The following SCRN1 variants were observed in gnomAD, a reference collection of about 807,000 sequenced individuals.
SCRN1 encodes secernin 1.
A neutral mutation model predicts 43.3 loss-of-function variants in SCRN1; 19 were observed. That is an observed-to-expected ratio of 0.44 (90% confidence interval 0.31 to 0.64). The LOEUF (loss-of-function observed/expected upper bound fraction) is 0.64, where lower values mean the gene tolerates loss of function less well. Among genes scored for constraint, SCRN1 ranks in the 30% least tolerant of loss-of-function variants. The pLI, the probability that SCRN1 is intolerant of heterozygous loss-of-function variation, is 0.09. For missense variants in SCRN1, 447 were observed against 524.1 expected (o/e 0.85, Z 1.44); for synonymous variants, 183 against 188.9 (o/e 0.97, Z 0.26).
At chr7:29,977,154 C>A (rs11772269) in intron 1 of SCRN1, among the ~76,000 whole-genome samples, 21,992 of 152,144 alleles carry the variant, frequency 0.14, 1,623 homozygotes, top group Middle Eastern at 0.17. Flanking sequence ...TATAAGCTAT[C>A]GGTTTATTAA....
intron 1 of SCRN1, among the ~76,000 whole-genome samples, chr7:29,981,332 AC>A (rs1788987157): frequency 6.6e-6 from 1 of 152,174 alleles, no homozygotes; most frequent in African/African-American, 2.4e-5. Flanking sequence ...ACCTACAAGC[AC>A]TATGTTCAAC....
intron 3 of SCRN1, among the ~76,000 whole-genome samples, chr7:29,952,023 C>A (rs1417740757): frequency 1.3e-5 from 2 of 152,210 alleles, no homozygotes; most frequent in Non-Finnish European, 2.9e-5. Flanking sequence ...GAGGAACTGG[C>A]ACTAGACACA....
intron 1 of SCRN1, among the ~76,000 whole-genome samples, chr7:29,980,784 TTTA>T (rs1235855287): frequency 1.3e-5 from 2 of 152,230 alleles, no homozygotes; most frequent in Non-Finnish European, 2.9e-5. Flanking sequence ...TTTAAAACAT[TTTA>T]TTATCAAAAA....
intron 1 of SCRN1, among the ~76,000 whole-genome samples, chr7:29,973,076 T>C (rs1020550638): frequency 7.9e-5 from 12 of 152,222 alleles, no homozygotes; most frequent in Non-Finnish European, 1.6e-4. Context: ...CAAAATGTGC[T>C]ATCATCCATA....
At chr7:29,961,216 G>A (rs1363354750) in intron 2 of SCRN1, among the ~76,000 whole-genome samples, 2 of 143,418 alleles carry the variant, frequency 1.4e-5, no homozygotes, top group Non-Finnish European at 3.0e-5. Context: ...GGACCCTGCG[G>A]CCTTCCGCGG....
intron 6 of SCRN1, 107 bp from the exon 7 acceptor site, chr7:29,926,739 G>T (rs768814562): frequency 3.0e-5 from 25 of 838,134 alleles, no homozygotes; most frequent in Non-Finnish European, 3.7e-5. Flanking sequence ...CTTATGGTGG[G>T]TGGTGGGTGT....
Position 29,924,084 on chromosome 7 carries a change from A to G in SCRN1, c.1118T>C (p.Leu373Pro). 1 of 1,613,924 alleles carries G rather than the reference A, an allele frequency of 6.2e-7. No individual in the cohort carries two copies. The highest frequency in any genetic ancestry group is 1.7e-5 in the Admixed American group (1 of 59,980). ...TTCCAGGCCTTGCTTCTCCAGCTCCAGCATGGTGCTCCTCAGCTTGCGACC... is the reference window on the plus strand; with the variant it reads ...TTCCAGGCCTTGCTTCTCCAGCTCCGGCATGGTGCTCCTCAGCTTGCGACC... ...EQGRKLRSTM[L>P]ELEKQGLEAM... The change falls in exon 8 of 8, where the codon CTG becomes CCG. Residue 373 changes from leucine to proline, a missense_variant. Transcript: ENST00000242059.
At chr7:29,984,126 A>G (rs1447311754) in intron 1 of SCRN1, among the ~76,000 whole-genome samples, 2 of 151,130 alleles carry the variant, frequency 1.3e-5, no homozygotes, top group Non-Finnish European at 2.9e-5. Flanking sequence ...GAATCACTTG[A>G]ACCCAGGAGG....
At chr7:29,937,018 C>G (rs953964721) in intron 5 of SCRN1, among the ~76,000 whole-genome samples, 1 of 152,162 alleles carries the variant, frequency 6.6e-6, no homozygotes, top group Non-Finnish European at 1.5e-5. Flanking sequence ...TGCACTCCAG[C>G]CTGGGCGACA....
rs886376874 is a variant in SCRN1 at position 29,946,914 on chromosome 7, A to G, written c.342-2735T>C. Reference sequence around the variant, plus strand: ...ACTGGGTGCAGAAGAGATGCCAGAGAGACCTGGGGCCACAAGTCACATGGC... The same window carrying G: ...ACTGGGTGCAGAAGAGATGCCAGAGGGACCTGGGGCCACAAGTCACATGGC... On this transcript the variant is annotated intron_variant, in intron 3 of 7. Transcript: ENST00000242059. 1.6e-4 allele frequency among the ~76,000 whole-genome samples: 25 copies of G among 152,248 alleles called. 1 individual carries two copies. The highest frequency in any genetic ancestry group is 8.8e-5 in the Non-Finnish European group (6 of 68,038).
chr7:29,963,784 T>A (rs999626865), intron 2 of SCRN1, among the ~76,000 whole-genome samples: 1 of 152,108 alleles, frequency 6.6e-6, no homozygotes, highest in Non-Finnish European at 1.5e-5. Context: ...CTATGGTACA[T>A]CTCCACAATG....
chr7:29,982,321 A>C (rs916755354), intron 1 of SCRN1, among the ~76,000 whole-genome samples: 3 of 152,196 alleles, frequency 2.0e-5, no homozygotes, highest in Non-Finnish European at 4.4e-5. Context: ...GTAATCACTT[A>C]ATCCTCACAA....
chr7:29,967,923 T>C (rs1788548467), intron 2 of SCRN1, among the ~76,000 whole-genome samples: 1 of 152,150 alleles, frequency 6.6e-6, no homozygotes, highest in Admixed American at 6.5e-5. Flanking sequence ...TATGAAGAAA[T>C]GGGCATTGTC....
chr7:29,926,452 C>G lies in SCRN1; in HGVS notation c.1086G>C (p.Gln362His). 1 of 1,611,394 alleles carries G rather than the reference C, an allele frequency of 6.2e-7. No individual in the cohort carries two copies. The highest frequency in any genetic ancestry group is 8.5e-7 in the Non-Finnish European group (1 of 1,178,354). ...EWARAIIESD[Q>H]EQGRKLRSTM... ...CTCTGTGGCCCTCATGCAAGCTCAC[C>G]TGGTCACTTTCGATGATGGCACGTG... is the stretch of plus-strand genomic sequence containing the variant. The change falls in exon 7 of 8, where the codon CAG (glutamine) becomes CAC (histidine). Residue 362 changes from glutamine to histidine, a missense_variant and splice_region_variant. Gln to His is a conservative substitution (Grantham distance 24). Transcript: ENST00000242059.
chr7:29,927,425 G>A lies in SCRN1; in HGVS notation c.906-793C>T, dbSNP rs548304261. Among the ~76,000 whole-genome samples, 37 of 127,450 alleles carry A rather than the reference G, an allele frequency of 2.9e-4. No individual in the cohort carries two copies. In the South Asian group the frequency reaches 8.7e-3, roughly 30 times the overall value. The allele number at this position is 127,450 out of a possible 152,430, so 83.6% of individuals were successfully genotyped here. A position where few individuals can be genotyped will look rare whatever the true frequency, so the allele number is the denominator to read the frequency against. On this transcript the variant is annotated intron_variant, in intron 6 of 7. Coordinates refer to ENST00000242059, the MANE Select transcript of SCRN1 (RefSeq NM_014766.5). ...TAAACAGCTGTGGCCTGGGATCCCA[G>A]GCCAACGGGCTAAGGGACCACTATG...
chr7:29,957,304 CA>C (rs1788167174), intron 2 of SCRN1, among the ~76,000 whole-genome samples: 1 of 152,220 alleles, frequency 6.6e-6, no homozygotes, highest in Non-Finnish European at 1.5e-5. Flanking sequence ...GGCGCGCACA[CA>C]AATTCCTACG....
At position 29,923,361 on chromosome 7, in the gene SCRN1, T is replaced by C. The variant is rs904086738; in HGVS notation, c.*596A>G. 18 of 152,518 alleles carry C rather than the reference T, an allele frequency of 1.2e-4. No individual in the cohort carries two copies. The highest frequency in any genetic ancestry group is 4.1e-4 in the African/African-American group (17 of 41,450). The allele number at this position is 152,518 out of a possible 1,614,324, so 9.4% of individuals were successfully genotyped here. On this transcript the variant is annotated 3_prime_UTR_variant, in exon 8 of 8. Coordinates refer to ENST00000242059, the MANE Select transcript of SCRN1 (RefSeq NM_014766.5). ...ACAGCTTCTTCAGGAGCCCAGGATG[T>C]AGGAAGGAGCCAGGACTGGAGAGGG...
At position 29,939,269 on chromosome 7, in the gene SCRN1, G is replaced by A. The variant is rs1480949551; in HGVS notation, c.739+1413C>T. Among the ~76,000 whole-genome samples, 5 of 151,940 alleles carry A rather than the reference G, an allele frequency of 3.3e-5. No individual in the cohort carries two copies. The East Asian group carries it at 9.6e-4, about 29-fold the overall frequency. ...CACTCTGTCACCCAGGCTGGAGTGAGGTGGTGCAATCATACCTCACCGCAG... is the reference window on the plus strand; with the variant it reads ...CACTCTGTCACCCAGGCTGGAGTGAAGTGGTGCAATCATACCTCACCGCAG... On this transcript the variant is annotated intron_variant, in intron 5 of 7. Transcript: ENST00000242059.
At chr7:29,963,041 C>T (rs186548798) in intron 2 of SCRN1, among the ~76,000 whole-genome samples, 1 of 148,836 alleles carries the variant, frequency 6.7e-6, no homozygotes, top group Non-Finnish European at 1.5e-5. Flanking sequence ...TTAGTCAATT[C>T]TTTAAAAAAA....
Sources: gnomAD v4.1 joint callset for allele counts (sites outside exome capture counted in the v4.1 genomes callset) on GRCh38, gnomAD v4.1.1 for gene constraint, MANE v1.5 for transcripts, NCBI Gene and HGNC (gene_info 2026-07-23, HGNC 2026-07-21) for gene names.